Variants in RAPH1 observed in about 807,000 individuals in gnomAD.
RAPH1 encodes the protein ras-associated and pleckstrin homology domains-containing protein 1.
In RAPH1, 18 loss-of-function variants were observed where a neutral mutation model predicts 88.1. The observed-to-expected ratio is 0.20, with a 90% CI of 0.14 to 0.30. The LOEUF is 0.30. RAPH1 is among the 10% of genes least tolerant of loss of function. The pLI, the probability that RAPH1 is intolerant of heterozygous loss-of-function variation, is 1.00. For synonymous variants in RAPH1, 587 were observed against 559.0 expected (o/e 1.05, Z -0.71); for missense variants, 1,448 against 1,543.2 (o/e 0.94, Z 1.03).
chr2:203,524,292 C>G (rs1690021977), intron 1 of RAPH1, among the ~76,000 whole-genome samples: 1 of 152,066 alleles, frequency 6.6e-6, no homozygotes, highest in South Asian at 2.1e-4. Flanking sequence ...AATACCAAGT[C>G]TTAGGATATA....
rs138812687 is a variant in RAPH1, at chr2:203,439,307, T to C, written c.*130A>G. 378 of 776,730 alleles carry C rather than the reference T, an allele frequency of 4.9e-4. 1 individual carries two copies. Among genetic ancestry groups the C allele is most frequent in the African/African-American group, 4.1e-3 (240 of 58,242 alleles). The allele number at this position is 776,730 out of a possible 1,614,324, so 48.1% of individuals were successfully genotyped here. ...GTACATGCACGTGTACACACACACA[T>C]ACACATATAGCTGGACACTACCTGA... On this transcript the variant is annotated 3_prime_UTR_variant, in exon 14 of 14. Coordinates refer to ENST00000319170, the MANE Select transcript of RAPH1 (RefSeq NM_213589.3).
At chr2:203,502,598 G>A (rs994891976) in intron 1 of RAPH1, among the ~76,000 whole-genome samples, 1 of 152,022 alleles carries the variant, frequency 6.6e-6, no homozygotes, top group Admixed American at 6.5e-5. Context: ...GAGGCGGGCG[G>A]ATCACGAGGT....
intron 7 of RAPH1, among the ~76,000 whole-genome samples, chr2:203,459,270 T>A (rs2098522456): frequency 6.6e-6 from 1 of 152,238 alleles, no homozygotes; most frequent in African/African-American, 2.4e-5. Context: ...GGTTATGCCA[T>A]TTGAAGCATA....
At chr2:203,509,497 G>A (rs1178337371) in intron 1 of RAPH1, among the ~76,000 whole-genome samples, 2 of 152,066 alleles carry the variant, frequency 1.3e-5, no homozygotes, top group Non-Finnish European at 2.9e-5. Flanking sequence ...CTTCAAGATG[G>A]GTATTTTTAA....
At position 203,527,278 on chromosome 2, in the gene RAPH1, C is replaced by A. The variant is rs570316725; in HGVS notation, c.-1+7833G>T. Among the ~76,000 whole-genome samples, 6 of 152,102 alleles carry A rather than the reference C, an allele frequency of 3.9e-5. No individual in the cohort carries two copies. In the Middle Eastern group the frequency reaches 0.01, roughly 259 times the overall value. On this transcript the variant is annotated intron_variant, in intron 1 of 13. Coordinates refer to ENST00000319170, the MANE Select transcript of RAPH1 (RefSeq NM_213589.3). The stretch of plus-strand genomic sequence containing the variant: ...TTTATCCTTAACATACAGACACTGG[C>A]GTCTTCACCGTGGCCACCTGTCAGA...
chr2:203,434,368 G>C lies in RAPH1; in HGVS notation c.*5069C>G, dbSNP rs2098496588. ...TTGTTTTTTAAAGAACTGAGGGAGG[G>C]AGCAATCCCAGTTAAATATAATGTG... On this transcript the variant is annotated 3_prime_UTR_variant, in exon 14 of 14. Coordinates refer to ENST00000319170, the MANE Select transcript of RAPH1 (RefSeq NM_213589.3). 1 of 152,502 alleles carries C rather than the reference G, an allele frequency of 6.6e-6. No homozygotes were observed. The highest frequency in any genetic ancestry group is 6.5e-5 in the Admixed American group (1 of 15,278). 9.4% of individuals were successfully genotyped at this position (152,502 alleles called of 1,614,324 possible). A position where few individuals can be genotyped will look rare whatever the true frequency, so the allele number is the denominator to read the frequency against.
chr2:203,480,564 A>T (rs534437839), intron 4 of RAPH1, among the ~76,000 whole-genome samples: 1 of 152,310 alleles, frequency 6.6e-6, no homozygotes, highest in African/African-American at 2.4e-5. Context: ...TAAATAATAA[A>T]AAATAAAAAA....
chr2:203,491,451 G>A (rs1325370275), intron 2 of RAPH1, 132 bp from the exon 3 acceptor site: 1 of 561,532 alleles, frequency 1.8e-6, no homozygotes. Flanking sequence ...CTAAGTAATA[G>A]ACTTAAGGAA....
At chr2:203,487,791 A>C (rs1176779611) in intron 4 of RAPH1, among the ~76,000 whole-genome samples, 2 of 152,182 alleles carry the variant, frequency 1.3e-5, no homozygotes, top group Non-Finnish European at 2.9e-5. Context: ...GCTTTCTTTG[A>C]AATAACTCAA....
chr2:203,512,493 A>G (rs1486992391), intron 1 of RAPH1, among the ~76,000 whole-genome samples: 1 of 152,198 alleles, frequency 6.6e-6, no homozygotes, highest in Non-Finnish European at 1.5e-5. Flanking sequence ...ATGAGACACA[A>G]ATGGAAGTAA....
chr2:203,441,576 AAG>A, intron 13 of RAPH1, 163 bp from the exon 14 acceptor site: 1 of 1,368,972 alleles, frequency 7.3e-7, no homozygotes, highest in Non-Finnish European at 9.4e-7. Flanking sequence ...CAATGTCAGG[AAG>A]GCTAAAATCT....
chr2:203,461,897 T>C lies in RAPH1; in HGVS notation c.761A>G (p.Glu254Gly), dbSNP rs1449986139. 6.2e-7 allele frequency: 1 copy of C among 1,610,508 alleles called. No individual in the cohort carries two copies. Among genetic ancestry groups the C allele is most frequent in the African/African-American group, 1.3e-5 (1 of 74,966 alleles). ...EEEQAAKLKAEKIRVALEKIK... is the reference protein window; with the variant it reads ...EEEQAAKLKAGKIRVALEKIK... The stretch of plus-strand genomic sequence containing the variant: ...TTTCTCTAGGGCAACTCTGATCTTC[T>C]CAGCTTTCAATTTTGCTGCCTGTTC... Residue 254 changes from glutamate to glycine, a missense_variant, in exon 5 of 14, where the codon GAG becomes GGG. By Grantham distance (98) the Glu-to-Gly change is moderately conservative. Coordinates refer to ENST00000319170, the MANE Select transcript of RAPH1 (RefSeq NM_213589.3).
intron 7 of RAPH1, among the ~76,000 whole-genome samples, chr2:203,458,319 G>A (rs547987083): frequency 6.5e-4 from 99 of 152,072 alleles, no homozygotes; most frequent in South Asian, 2.7e-3. Context: ...CCAAGATCAC[G>A]CCACTGACTC....
chr2:203,525,289 G>A (rs753120357), intron 1 of RAPH1, among the ~76,000 whole-genome samples: 6 of 152,108 alleles, frequency 3.9e-5, no homozygotes, highest in African/African-American at 1.2e-4. Flanking sequence ...GGGTTCAAGC[G>A]ATTCTCCTGT....
At chr2:203,534,117 C>A (rs1690506812) in intron 1 of RAPH1, among the ~76,000 whole-genome samples, 1 of 152,196 alleles carries the variant, frequency 6.6e-6, no homozygotes, top group African/African-American at 2.4e-5. Flanking sequence ...CACGCCTCAT[C>A]CCTAACCCGT....
rs751433482 is a variant in RAPH1, at chr2:203,441,443, A to G, written c.1777-30T>C. On this transcript the variant is annotated intron_variant, in intron 13 of 13. Transcript: ENST00000319170. ...AAGGAGTATAAAAAGGGAGTGGGAG[A>G]GAGAAAAACACAACAAACAAAACAG... The G allele has an allele frequency of 1.8e-5, 27 of 1,501,538 alleles. No individual in the cohort carries two copies. The Admixed American group carries it at 3.4e-4, about 19-fold the overall frequency. The allele number at this position is 1,501,538 out of a possible 1,614,324, so 93.0% of individuals were successfully genotyped here. A position where few individuals can be genotyped will look rare whatever the true frequency, so the allele number is the denominator to read the frequency against.
intron 1 of RAPH1, among the ~76,000 whole-genome samples, chr2:203,530,615 A>C (rs1053367260): frequency 1.3e-5 from 2 of 152,182 alleles, no homozygotes; most frequent in Non-Finnish European, 2.9e-5. Context: ...ATTTAGGCCA[A>C]GCGTGATGGC....
intron 4 of RAPH1, chr2:203,470,377 G>T: frequency 2.8e-6 from 3 of 1,059,252 alleles, no homozygotes; most frequent in Non-Finnish European, 2.8e-6. Flanking sequence ...GAGGTTTTAT[G>T]TGTTTAAAAC....
chr2:203,472,315 A>ATGTTTATTTT (rs1185647275), intron 4 of RAPH1, among the ~76,000 whole-genome samples: 4 of 152,048 alleles, frequency 2.6e-5, no homozygotes, highest in Non-Finnish European at 4.4e-5. Context: ...TATTTTTATT[A>ATGTTTATTTT]GAGACAGAGT....
Sources: gnomAD v4.1 joint callset for allele counts (sites outside exome capture counted in the v4.1 genomes callset) on GRCh38, gnomAD v4.1.1 for gene constraint, MANE v1.5 for transcripts, NCBI Gene and HGNC (gene_info 2026-07-23, HGNC 2026-07-21) for gene names.